Variants in ULK4 observed in about 807,000 individuals in gnomAD.
ULK4 encodes the protein inactive serine/threonine-protein kinase ULK4.
In ULK4, 133 loss-of-function variants were observed where a neutral mutation model predicts 160.6. That is an observed-to-expected ratio of 0.83 (90% CI 0.72 to 0.96). ULK4 has a LOEUF of 0.96. ULK4 is among the 40% of genes least tolerant of loss of function. The pLI is 0.00. For synonymous variants in ULK4, 534 were observed against 539.8 expected, an observed-to-expected ratio of 0.99 and a Z score of 0.15; for missense variants, 1,580 against 1,499.5, an observed-to-expected ratio of 1.05 and a Z score of -0.89.
chr3:41,674,479 T>C (rs1404745694), intron 29 of ULK4, among the ~76,000 whole-genome samples: 1 of 152,210 alleles, frequency 6.6e-6, no homozygotes, highest in Non-Finnish European at 1.5e-5. Flanking sequence ...ATATGTGGTA[T>C]CTTTCCTCCC....
chr3:41,806,831 C>T (rs2040657679), intron 19 of ULK4, among the ~76,000 whole-genome samples: 1 of 152,146 alleles, frequency 6.6e-6, no homozygotes, highest in Non-Finnish European at 1.5e-5. Flanking sequence ...CACCATTAAG[C>T]CTCATAGTAT....
intron 34 of ULK4, among the ~76,000 whole-genome samples, chr3:41,440,817 T>G (rs2083148232): frequency 6.6e-6 from 1 of 152,156 alleles, no homozygotes; most frequent in Non-Finnish European, 1.5e-5. Context: ...AAATTCTATT[T>G]TTTAATAGAC....
chr3:41,489,621 G>A (rs1252854276), intron 32 of ULK4, among the ~76,000 whole-genome samples: 1 of 151,964 alleles, frequency 6.6e-6, no homozygotes, highest in South Asian at 2.1e-4. Context: ...AGCTTCATCT[G>A]TCCAGGCACT....
chr3:41,691,573 A>G (rs1450169506), intron 27 of ULK4, among the ~76,000 whole-genome samples: 4 of 151,876 alleles, frequency 2.6e-5, no homozygotes, highest in African/African-American at 9.7e-5. Flanking sequence ...TACCTCCCCC[A>G]AAGATGGGAA....
intron 22 of ULK4, among the ~76,000 whole-genome samples, chr3:41,748,706 ATTTAAC>A (rs1666121731): frequency 6.6e-6 from 1 of 152,208 alleles, no homozygotes; most frequent in Non-Finnish European, 1.5e-5. Context: ...CTTGTAATTT[ATTTAAC>A]TTTCCATTCT....
chr3:41,550,067 C>T (rs2087005013), intron 32 of ULK4, among the ~76,000 whole-genome samples: 2 of 152,002 alleles, frequency 1.3e-5, no homozygotes, highest in Admixed American at 6.6e-5. Flanking sequence ...TTAAAGGAAT[C>T]CTACATATGA....
intron 32 of ULK4, among the ~76,000 whole-genome samples, chr3:41,490,693 G>C (rs1015636988): frequency 5.9e-5 from 9 of 152,154 alleles, no homozygotes; most frequent in African/African-American, 2.2e-4. Context: ...TATTTGAACC[G>C]AGCAAGATGC....
chr3:41,536,164 T>G (rs1335650847), intron 32 of ULK4, among the ~76,000 whole-genome samples: 2 of 152,116 alleles, frequency 1.3e-5, no homozygotes, highest in Non-Finnish European at 2.9e-5. Flanking sequence ...TCAACCTCTT[T>G]TCTATATATG....
Position 41,750,859 on chromosome 3 carries a change from G to A in ULK4, c.2321+3502C>T, listed in dbSNP as rs375769974. ...ACAAAAATTAGCTGGATGTGGTGGC[G>A]GGCGCCTGTAGTCCCAGCTACTCAG... On this transcript the variant is annotated intron_variant, in intron 22 of 36. Transcript: ENST00000301831. Among the ~76,000 whole-genome samples, 114 of 151,646 alleles carry A rather than the reference G, an allele frequency of 7.5e-4. No individual in the cohort carries two copies. In the Middle Eastern group the frequency reaches 0.01, roughly 14 times the overall value.
chr3:41,392,013 G>C (rs1278124505), intron 35 of ULK4, among the ~76,000 whole-genome samples: 2 of 152,012 alleles, frequency 1.3e-5, no homozygotes. Context: ...CCAATTTTAG[G>C]CACAGAACAA....
intron 31 of ULK4, among the ~76,000 whole-genome samples, chr3:41,598,410 T>C (rs539169776): frequency 1.3e-5 from 2 of 148,948 alleles, no homozygotes; most frequent in East Asian, 1.9e-4. Context: ...ACCAGACAGA[T>C]AGAGAAACAT....
At chr3:41,558,530 A>G (rs1480093366) in intron 32 of ULK4, among the ~76,000 whole-genome samples, 2 of 151,730 alleles carry the variant, frequency 1.3e-5, no homozygotes, top group Admixed American at 6.6e-5. Context: ...ATAATGAAAC[A>G]CTGTCTCTAC....
rs1001865013 is a variant in ULK4, at chr3:41,550,373, G to T, written c.3226+15652C>A. ...CTGAGTGAATTTTAAAAACCATGAAGCATCTTGCTGCCTACAAGAAATATA... is the reference window on the plus strand; with the variant it reads ...CTGAGTGAATTTTAAAAACCATGAATCATCTTGCTGCCTACAAGAAATATA... On this transcript the variant is annotated intron_variant, in intron 32 of 36. Transcript: ENST00000301831. 2.0e-5 allele frequency among the ~76,000 whole-genome samples: 3 copies of T among 151,944 alleles called. No individual in the cohort carries two copies. In the East Asian group the frequency reaches 5.8e-4, roughly 29 times the overall value.
intron 12 of ULK4, among the ~76,000 whole-genome samples, chr3:41,901,901 T>G (rs577757257): frequency 6.6e-6 from 1 of 152,226 alleles, no homozygotes; most frequent in Non-Finnish European, 1.5e-5. Context: ...ACATGCTACC[T>G]AAGTATTAAA....
At chr3:41,348,901 A>G (rs2080856758) in intron 35 of ULK4, among the ~76,000 whole-genome samples, 1 of 152,210 alleles carries the variant, frequency 6.6e-6, no homozygotes, top group Non-Finnish European at 1.5e-5. Flanking sequence ...GAAAGCCCAG[A>G]GACTCCAGAG....
chr3:41,282,631 C>T (rs1241997312), intron 35 of ULK4, among the ~76,000 whole-genome samples: 1 of 152,158 alleles, frequency 6.6e-6, no homozygotes, highest in African/African-American at 2.4e-5. Flanking sequence ...CTTCCTTACA[C>T]CTTATACAAA....
intron 32 of ULK4, among the ~76,000 whole-genome samples, chr3:41,505,443 T>C (rs948731007): frequency 6.6e-6 from 1 of 152,326 alleles, no homozygotes; most frequent in East Asian, 1.9e-4. Flanking sequence ...TACTGTTCTA[T>C]GAACATCCTA....
intron 18 of ULK4, among the ~76,000 whole-genome samples, chr3:41,825,469 G>GACCT (rs2041313303): frequency 1.3e-5 from 2 of 152,178 alleles, no homozygotes; most frequent in African/African-American, 4.8e-5. Context: ...GTCCTTAAAG[G>GACCT]ACCTGATGGA....
chr3:41,921,857 A>C (rs1265783301), intron 5 of ULK4, among the ~76,000 whole-genome samples: 1 of 152,208 alleles, frequency 6.6e-6, no homozygotes, highest in Non-Finnish European at 1.5e-5. Context: ...AGTCTTTCTC[A>C]ACAAAGTTGG....
Sources: allele counts gnomAD v4.1 joint callset (sites outside exome capture counted in the v4.1 genomes callset), GRCh38; gene constraint gnomAD v4.1.1; transcripts MANE v1.5; gene names NCBI Gene and HGNC (gene_info 2026-07-23, HGNC 2026-07-21).